The following CNOT4 variants were observed in gnomAD, a reference collection of about 807,000 sequenced individuals.
The protein encoded by CNOT4 is CCR4-NOT transcription complex subunit 4.
Under a neutral mutation model 73.8 loss-of-function variants are expected in CNOT4, and 8 were observed. The ratio of observed to expected loss-of-function variants is 0.11; its 90% CI spans 0.06 to 0.20. The LOEUF (loss-of-function observed/expected upper bound fraction) is 0.20, where lower values mean the gene tolerates loss of function less well. CNOT4 is among the 10% of genes least tolerant of loss of function. The pLI, the probability that CNOT4 is intolerant of heterozygous loss-of-function variation, is 1.00. For missense variants in CNOT4, 564 were observed against 883.4 expected (o/e 0.64, Z 4.58); for synonymous variants, 293 against 321.1 (o/e 0.91, Z 0.94).
Position 135,421,673 on chromosome 7 carries a change from G to T in CNOT4, c.372+483C>A, listed in dbSNP as rs539465090. ...CTCTTCCTCCAAACTGGCTTAAAAT[G>T]AATAAGAATGATGAGACAGTATAGT... On this transcript the variant is annotated intron_variant, in intron 3 of 11. Transcript: ENST00000541284. Among the ~76,000 whole-genome samples the T allele has an allele frequency of 2.0e-5, 3 of 152,242 alleles. No homozygotes were observed. The South Asian group carries it at 6.2e-4, about 32-fold the overall frequency.
At chr7:135,369,624 T>A (rs764785589) in intron 10 of CNOT4, among the ~76,000 whole-genome samples, 40 of 152,342 alleles carry the variant, frequency 2.6e-4, no homozygotes, top group Non-Finnish European at 4.6e-4. Flanking sequence ...TTGGTGCAAG[T>A]GGCTACACAT....
intron 1 of CNOT4, among the ~76,000 whole-genome samples, chr7:135,456,669 G>A (rs890873526): frequency 2.0e-5 from 3 of 151,928 alleles, no homozygotes; most frequent in Non-Finnish European, 4.4e-5. Flanking sequence ...TTTAAATCAT[G>A]TCTAGATTAC....
chr7:135,465,336 C>T (rs991595488), intron 1 of CNOT4, among the ~76,000 whole-genome samples: 2 of 152,174 alleles, frequency 1.3e-5, no homozygotes, highest in Admixed American at 6.5e-5. Flanking sequence ...GCTACTCCCA[C>T]AACACACGCC....
At chr7:135,491,096 T>C (rs1258034520) in intron 1 of CNOT4, among the ~76,000 whole-genome samples, 1 of 151,748 alleles carries the variant, frequency 6.6e-6, no homozygotes, top group Non-Finnish European at 1.5e-5. Flanking sequence ...GTGGACAGAG[T>C]AGGTATGAGA....
At chr7:135,399,336 C>CT (rs1348121087) in intron 7 of CNOT4, among the ~76,000 whole-genome samples, 1 of 152,056 alleles carries the variant, frequency 6.6e-6, no homozygotes. Flanking sequence ...CGCTGCAAAC[C>CT]TGTACAGCAT....
chr7:135,366,461 A>G (rs1794920546), intron 10 of CNOT4, among the ~76,000 whole-genome samples: 1 of 152,228 alleles, frequency 6.6e-6, no homozygotes, highest in African/African-American at 2.4e-5. Context: ...GACTAATCAA[A>G]TCAAGCAAGG....
In CNOT4 at chr7:135,379,002, G is replaced by GGAA. The variant is rs1012240065; in HGVS notation, c.1627+14913_1627+14915dup. On this transcript the variant is annotated intron_variant, in intron 10 of 11. Coordinates refer to ENST00000541284, the MANE Select transcript of CNOT4 (RefSeq NM_001190850.2). Reference sequence around the variant, plus strand: ...CCTGTCTCAAAAAAAAAAAAAAAAAGGAAGAAGAAGAAGAAAAGGGAAAAT... The same window carrying GGAA: ...CCTGTCTCAAAAAAAAAAAAAAAAAGGAAGAAGAAGAAGAAGAAAAGGGAAAAT... Among the ~76,000 whole-genome samples, 3 of 137,244 alleles carry GGAA rather than the reference G, an allele frequency of 2.2e-5. No homozygotes were observed. The East Asian group carries it at 6.3e-4, about 29-fold the overall frequency. The allele number at this position is 137,244 out of a possible 152,430, so 90.0% of individuals were successfully genotyped here.
intron 1 of CNOT4, among the ~76,000 whole-genome samples, chr7:135,451,598 T>C (rs1800168831): frequency 6.6e-6 from 1 of 152,080 alleles, no homozygotes; most frequent in South Asian, 2.1e-4. Flanking sequence ...CAGCCAACTG[T>C]TTTTACACTA....
At chr7:135,505,887 A>C (rs1804337708) in intron 1 of CNOT4, among the ~76,000 whole-genome samples, 4 of 152,190 alleles carry the variant, frequency 2.6e-5, no homozygotes, top group Admixed American at 1.3e-4. Flanking sequence ...CATTTACCAC[A>C]TAATCTTTTC....
At chr7:135,399,337 T>C (rs1212534189) in intron 7 of CNOT4, among the ~76,000 whole-genome samples, 1 of 152,096 alleles carries the variant, frequency 6.6e-6, no homozygotes, top group Non-Finnish European at 1.5e-5. Flanking sequence ...GCTGCAAACC[T>C]GTACAGCATG....
At chr7:135,381,627 G>A (rs115528898) in intron 10 of CNOT4, among the ~76,000 whole-genome samples, 139 of 152,306 alleles carry the variant, frequency 9.1e-4, no homozygotes, top group African/African-American at 3.2e-3. Flanking sequence ...GAGTCTAGAA[G>A]CAGCTATTAC....
rs1325568074 is a variant in CNOT4, at chr7:135,410,563, G to A, written c.773C>T (p.Ser258Leu). The A allele has an allele frequency of 1.3e-6, 2 of 1,575,648 alleles. No individual in the cohort carries two copies. Among genetic ancestry groups the A allele is most frequent in the South Asian group, 1.2e-5 (1 of 83,946 alleles). Residue 258 changes from serine (S) to leucine (L), a missense_variant, in exon 7 of 12, where the codon TCA becomes TTA. Physicochemically the swap from Ser to Leu is moderately radical, Grantham distance 145 (BLOSUM62 -2). Transcript: ENST00000541284. ...CACTTTGTTCTTATTTTTATCAACT[G>A]AACCCGTAGATAGCTGAAGAAAATT... ...NPNFLQLSTG[S>L]VDKNKNKVTP...
chr7:135,474,875 A>G (rs1460106456), intron 1 of CNOT4, among the ~76,000 whole-genome samples: 1 of 152,190 alleles, frequency 6.6e-6, no homozygotes, highest in East Asian at 1.9e-4. Context: ...TCTTTTTGAA[A>G]ATTAATGCAA....
At chr7:135,472,875 A>G (rs1455841800) in intron 1 of CNOT4, among the ~76,000 whole-genome samples, 1 of 151,898 alleles carries the variant, frequency 6.6e-6, no homozygotes, top group African/African-American at 2.4e-5. Context: ...CCCTGTCTCT[A>G]TAAAAAAACC....
chr7:135,384,962 C>T (rs1039165316), intron 10 of CNOT4, among the ~76,000 whole-genome samples: 2 of 152,208 alleles, frequency 1.3e-5, no homozygotes, highest in African/African-American at 4.8e-5. Context: ...AAGATCACCA[C>T]AGATCTAACC....
chr7:135,407,341 C>T (rs922529123), intron 7 of CNOT4, among the ~76,000 whole-genome samples: 1 of 152,134 alleles, frequency 6.6e-6, no homozygotes. Flanking sequence ...GCCAAAGATA[C>T]TTTTGGTAAA....
intron 10 of CNOT4, among the ~76,000 whole-genome samples, chr7:135,368,491 A>C (rs1795028079): frequency 6.6e-6 from 1 of 152,230 alleles, no homozygotes. Flanking sequence ...ATAAATGAAA[A>C]GTTCAACAAC....
intron 1 of CNOT4, among the ~76,000 whole-genome samples, chr7:135,467,424 T>G (rs373629825): frequency 1.1e-4 from 16 of 152,268 alleles, no homozygotes; most frequent in African/African-American, 3.6e-4. Flanking sequence ...ACATAAAATT[T>G]CTGGGGCCTG....
chr7:135,503,588 G>C (rs1320279241), intron 1 of CNOT4, among the ~76,000 whole-genome samples: 1 of 152,088 alleles, frequency 6.6e-6, no homozygotes, highest in Non-Finnish European at 1.5e-5. Context: ...AATACCAAAA[G>C]TTCCTTTTTA....
Sources: gnomAD v4.1 joint callset for allele counts (sites outside exome capture counted in the v4.1 genomes callset) on GRCh38, gnomAD v4.1.1 for gene constraint, MANE v1.5 for transcripts, NCBI Gene and HGNC (gene_info 2026-07-23, HGNC 2026-07-21) for gene names.